USP10: variants seen among roughly 807,000 people sequenced by gnomAD.
The protein encoded by USP10 is ubiquitin specific peptidase 10.
USP10 carries 22 observed loss-of-function variants against 84.5 expected under a neutral mutation model. That is an observed-to-expected ratio of 0.26 (90% confidence interval 0.19 to 0.37). USP10 has a LOEUF of 0.37. USP10 is among the 10% of genes least tolerant of loss of function. USP10 has a pLI of 1.00. For synonymous variants in USP10, 454 were observed against 387.6 expected (o/e 1.17, Z -2.01); for missense variants, 1,019 against 998.9 (o/e 1.02, Z -0.27).
At chr16:84,755,122 T>G (rs1912380087) in intron 4 of USP10, among the ~76,000 whole-genome samples, 1 of 151,248 alleles carries the variant, frequency 6.6e-6, no homozygotes, top group Admixed American at 6.6e-5. Context: ...TTCGAACGGG[T>G]CAACAACGAA....
chr16:84,735,976 G>T (rs1462943502), intron 2 of USP10, among the ~76,000 whole-genome samples: 1 of 151,814 alleles, frequency 6.6e-6, no homozygotes, highest in African/African-American at 2.4e-5. Flanking sequence ...CTGTGGGTGT[G>T]TGAGTGGCGA....
intron 1 of USP10, among the ~76,000 whole-genome samples, chr16:84,730,582 C>T (rs535792184): frequency 8.5e-5 from 13 of 152,226 alleles, no homozygotes; most frequent in African/African-American, 2.4e-4. Flanking sequence ...GGGTGTTTGC[C>T]GCTGACTCAT....
At chr16:84,712,255 TTGTG>T (rs909914366) in intron 1 of USP10, among the ~76,000 whole-genome samples, 2 of 152,224 alleles carry the variant, frequency 1.3e-5, no homozygotes, top group African/African-American at 4.8e-5. Flanking sequence ...ACAGAGGCCC[TTGTG>T]GTCCTGTCCT....
intron 12 of USP10, among the ~76,000 whole-genome samples, chr16:84,774,212 C>T (rs371952834): frequency 6.6e-6 from 1 of 151,772 alleles, no homozygotes; most frequent in Non-Finnish European, 1.5e-5. Flanking sequence ...CACTGCACTC[C>T]AGCCTGGGCA....
chr16:84,701,200 G>A (rs1278452954), intron 1 of USP10, among the ~76,000 whole-genome samples: 1 of 152,068 alleles, frequency 6.6e-6, no homozygotes, highest in Non-Finnish European at 1.5e-5. Context: ...CATGATTTTC[G>A]GAACTATTGT....
At chr16:84,731,282 AC>A (rs1909196322) in intron 1 of USP10, among the ~76,000 whole-genome samples, 1 of 146,278 alleles carries the variant, frequency 6.8e-6, no homozygotes, top group African/African-American at 2.5e-5. Context: ...CCCGGCCTCT[AC>A]TTTTTTTTTT....
chr16:84,731,073 G>C (rs934739165), intron 1 of USP10, among the ~76,000 whole-genome samples: 1 of 147,938 alleles, frequency 6.8e-6, no homozygotes, highest in Non-Finnish European at 1.5e-5. Context: ...TCCACCTCCC[G>C]GGTTCAAGCG....
At chr16:84,704,987 CCG>C in intron 1 of USP10, 2 of 1,348,348 alleles carry the variant, frequency 1.5e-6, no homozygotes, top group Non-Finnish European at 2.0e-6. Flanking sequence ...GCACCTGCTA[CCG>C]TCTGCGCTGT....
At chr16:84,753,033 C>T (rs1310516618) in intron 4 of USP10, among the ~76,000 whole-genome samples, 1 of 152,042 alleles carries the variant, frequency 6.6e-6, no homozygotes, top group Non-Finnish European at 1.5e-5. Flanking sequence ...GTGGCATGAT[C>T]ATAGCTCACT....
chr16:84,749,024 C>A (rs1344255411), intron 4 of USP10, among the ~76,000 whole-genome samples: 1 of 152,140 alleles, frequency 6.6e-6, no homozygotes, highest in African/African-American at 2.4e-5. Flanking sequence ...TCTTTTCAGC[C>A]TGTTTGTTGA....
intron 1 of USP10, among the ~76,000 whole-genome samples, chr16:84,725,842 CCAAA>C (rs1261162126): frequency 2.0e-5 from 3 of 152,200 alleles, no homozygotes; most frequent in Admixed American, 6.5e-5. Flanking sequence ...TTTAATCATG[CCAAA>C]CAGTCTATTG....
Position 84,703,170 on chromosome 16 carries a change from A to G in USP10, c.21+3059A>G, listed in dbSNP as rs148680656. 3.3e-5 allele frequency among the ~76,000 whole-genome samples: 5 copies of G among 152,312 alleles called. No homozygotes were observed. The East Asian group carries it at 9.6e-4, about 29-fold the overall frequency. On this transcript the variant is annotated intron_variant, in intron 1 of 13. Coordinates refer to ENST00000219473, the MANE Select transcript of USP10 (RefSeq NM_005153.3). ...GAGACCGGTAACTCAGCATTTTAGCAAAGACAAATAAATGAACTTTAACAG... is the reference window on the plus strand; with the variant it reads ...GAGACCGGTAACTCAGCATTTTAGCGAAGACAAATAAATGAACTTTAACAG...
chr16:84,770,197 G>A (rs956450024), intron 11 of USP10, among the ~76,000 whole-genome samples: 10 of 152,172 alleles, frequency 6.6e-5, no homozygotes, highest in African/African-American at 9.7e-5. Context: ...TTCTGGGTGC[G>A]TGGTTGTGGT....
chr16:84,750,131 G>A (rs187871677), intron 4 of USP10, among the ~76,000 whole-genome samples: 6 of 152,140 alleles, frequency 3.9e-5, no homozygotes, highest in Non-Finnish European at 7.3e-5. Context: ...AATACAGCCC[G>A]GCACAGTGGC....
intron 4 of USP10, among the ~76,000 whole-genome samples, chr16:84,751,905 A>G (rs1911979710): frequency 6.6e-6 from 1 of 152,214 alleles, no homozygotes; most frequent in South Asian, 2.1e-4. Flanking sequence ...ATGTGTAAGA[A>G]TAATCATAGC....
At chr16:84,760,578 A>C (rs2150850613) in intron 8 of USP10, among the ~76,000 whole-genome samples, 1 of 152,312 alleles carries the variant, frequency 6.6e-6, no homozygotes, top group African/African-American at 2.4e-5. Flanking sequence ...CTTTCAAGTC[A>C]GTTCTCTTAA....
chr16:84,777,515 G>A (rs1438039209), intron 13 of USP10, among the ~76,000 whole-genome samples: 1 of 152,218 alleles, frequency 6.6e-6, no homozygotes, highest in Non-Finnish European at 1.5e-5. Flanking sequence ...AGCACAGGAT[G>A]AAGCTATGCC....
chr16:84,768,397 G>T lies in USP10; in HGVS notation c.1998+39G>T, dbSNP rs750709257. 15 of 1,488,672 alleles carry T rather than the reference G, an allele frequency of 1.0e-5. No homozygotes were observed. The Admixed American group carries it at 1.3e-4, about 13-fold the overall frequency. 92.2% of individuals were successfully genotyped at this position (1,488,672 alleles called of 1,614,324 possible). ...TGATTTTGAACCTTTCTACTAAGGT[G>T]CTCTGGTTTGGTGGAAAGAACACAA... On this transcript the variant is annotated intron_variant, in intron 11 of 13. Coordinates refer to ENST00000219473, the MANE Select transcript of USP10 (RefSeq NM_005153.3).
chr16:84,765,504 T>C (rs531213484), intron 10 of USP10, among the ~76,000 whole-genome samples: 1 of 151,402 alleles, frequency 6.6e-6, no homozygotes, highest in South Asian at 2.1e-4. Context: ...AAAGATTCCA[T>C]GTATAAGTGA....
Sources: allele counts gnomAD v4.1 joint callset (sites outside exome capture counted in the v4.1 genomes callset), GRCh38; gene constraint gnomAD v4.1.1; transcripts MANE v1.5; gene names NCBI Gene and HGNC (gene_info 2026-07-23, HGNC 2026-07-21).